The following RAD54B variants were observed in gnomAD, a reference collection of about 807,000 sequenced individuals.
RAD54B encodes the protein RAD54 homolog B.
Under a neutral mutation model 95.8 loss-of-function variants are expected in RAD54B, and 78 were observed. That is an observed-to-expected ratio of 0.81 (90% CI 0.68 to 0.98). RAD54B has a LOEUF of 0.98. Among genes scored for constraint, RAD54B ranks in the 50% least tolerant of loss-of-function variants. The pLI is 0.00. For synonymous variants in RAD54B, 328 were observed against 354.9 expected, an observed-to-expected ratio of 0.92 and a Z score of 0.85; for missense variants, 957 against 1,056.6, an observed-to-expected ratio of 0.91 and a Z score of 1.31.
intron 3 of RAD54B, among the ~76,000 whole-genome samples, chr8:94,437,718 C>T (rs1470449123): frequency 6.6e-6 from 1 of 152,172 alleles, no homozygotes; most frequent in Non-Finnish European, 1.5e-5. Context: ...AGTATAATCA[C>T]GCCTTAAGAC....
chr8:94,405,730 G>A (rs936097283), intron 5 of RAD54B, among the ~76,000 whole-genome samples: 1 of 151,978 alleles, frequency 6.6e-6, no homozygotes, highest in African/African-American at 2.4e-5. Context: ...AGAAGATAGA[G>A]GTGAAAAATC....
At chr8:94,418,531 AGATT>A (rs554644500) in intron 3 of RAD54B, among the ~76,000 whole-genome samples, 10 of 152,212 alleles carry the variant, frequency 6.6e-5, no homozygotes, top group Admixed American at 1.3e-4. Flanking sequence ...ACACATATAT[AGATT>A]CACAGAACCA....
At chr8:94,407,382 C>A in intron 5 of RAD54B, 57 bp downstream of exon 5, 5 of 1,496,838 alleles carry the variant, frequency 3.3e-6, no homozygotes, top group South Asian at 1.3e-5. Flanking sequence ...CAAATTCACA[C>A]ACAAAAAACA....
rs905847444 is a variant in RAD54B at position 94,436,988 on chromosome 8, C to T, written c.304+21280G>A. On this transcript the variant is annotated intron_variant, in intron 3 of 14. Transcript: ENST00000336148. Reference sequence around the variant, plus strand: ...ACTAGGCTAGCCTCATTTAGGCCCACGCCTACAGGGGAGGGTTTATTAAAA... The same window carrying T: ...ACTAGGCTAGCCTCATTTAGGCCCATGCCTACAGGGGAGGGTTTATTAAAA... The T allele has an allele frequency of 7.8e-6, 11 of 1,408,030 alleles. No homozygotes were observed. In the African/African-American group the frequency reaches 8.8e-5, roughly 11 times the overall value. The allele number at this position is 1,408,030 out of a possible 1,614,324, so 87.2% of individuals were successfully genotyped here.
chr8:94,463,922 GAA>G (rs1393122598), intron 2 of RAD54B, among the ~76,000 whole-genome samples: 4 of 139,646 alleles, frequency 2.9e-5, no homozygotes, highest in Non-Finnish European at 6.2e-5. Context: ...AAGAAAGAAA[GAA>G]AAAAGAGAGA....
At chr8:94,454,909 T>C (rs1260107870) in intron 3 of RAD54B, among the ~76,000 whole-genome samples, 1 of 152,202 alleles carries the variant, frequency 6.6e-6, no homozygotes, top group Non-Finnish European at 1.5e-5. Context: ...AAGAAACATT[T>C]AGCTAACTTC....
At chr8:94,465,440 C>G (rs1165351995) in intron 2 of RAD54B, among the ~76,000 whole-genome samples, 1 of 152,150 alleles carries the variant, frequency 6.6e-6, no homozygotes, top group Non-Finnish European at 1.5e-5. Flanking sequence ...AAATACAAAT[C>G]AGAACCACAG....
At chr8:94,398,937 T>C (rs986772252) in intron 8 of RAD54B, among the ~76,000 whole-genome samples, 3 of 152,120 alleles carry the variant, frequency 2.0e-5, no homozygotes, top group African/African-American at 7.2e-5. Context: ...ACTTACCACA[T>C]GTCAGGTAGT....
intron 3 of RAD54B, among the ~76,000 whole-genome samples, chr8:94,441,732 C>T (rs1420042071): frequency 1.3e-5 from 2 of 152,204 alleles, no homozygotes; most frequent in Non-Finnish European, 2.9e-5. Flanking sequence ...AACGTTCCAA[C>T]TCTCTAATGG....
intron 14 of RAD54B, among the ~76,000 whole-genome samples, chr8:94,377,696 G>T (rs1810622548): frequency 1.3e-5 from 2 of 151,632 alleles, no homozygotes; most frequent in Admixed American, 6.6e-5. Flanking sequence ...AGTCTACTGG[G>T]CCGGGCGCGG....
chr8:94,401,846 T>C (rs1811273278), intron 6 of RAD54B, among the ~76,000 whole-genome samples: 1 of 152,174 alleles, frequency 6.6e-6, no homozygotes, highest in Admixed American at 6.5e-5. Flanking sequence ...ATACAGTGAA[T>C]AGCAAAGAGA....
chr8:94,387,786 T>C (rs998583520), intron 10 of RAD54B, among the ~76,000 whole-genome samples: 2 of 152,184 alleles, frequency 1.3e-5, no homozygotes, highest in Admixed American at 6.5e-5. Flanking sequence ...ACCTCTGAAA[T>C]TCCCCCTCCA....
chr8:94,448,767 G>C (rs1812580871), intron 3 of RAD54B, among the ~76,000 whole-genome samples: 1 of 151,938 alleles, frequency 6.6e-6, no homozygotes. Context: ...AAGGTGGGTT[G>C]GTGGGGGAGG....
intron 3 of RAD54B, among the ~76,000 whole-genome samples, chr8:94,455,989 C>A (rs1485136574): frequency 6.6e-6 from 1 of 152,132 alleles, no homozygotes; most frequent in Non-Finnish European, 1.5e-5. Context: ...TTAGGAGACA[C>A]AATTGAAGCC....
chr8:94,427,373 A>C (rs1266897311), intron 3 of RAD54B, among the ~76,000 whole-genome samples: 4 of 152,048 alleles, frequency 2.6e-5, no homozygotes, highest in African/African-American at 9.6e-5. Flanking sequence ...TATATTGAAC[A>C]ATTTCTCAAA....
chr8:94,467,669 T>C, intron 1 of RAD54B, 114 bp from the exon 2 acceptor site: 1 of 1,032,996 alleles, frequency 9.7e-7, no homozygotes, highest in Non-Finnish European at 1.4e-6. Flanking sequence ...CTTATGGGCC[T>C]GCCTGGCCCC....
At chr8:94,443,586 C>G (rs1812451786) in intron 3 of RAD54B, among the ~76,000 whole-genome samples, 2 of 151,982 alleles carry the variant, frequency 1.3e-5, no homozygotes, top group African/African-American at 2.4e-5. Flanking sequence ...ACTCTTTCCT[C>G]TACTCCATCT....
intron 14 of RAD54B, among the ~76,000 whole-genome samples, chr8:94,377,792 C>T (rs937199419): frequency 2.0e-5 from 3 of 147,630 alleles, no homozygotes; most frequent in East Asian, 2.0e-4. Flanking sequence ...CTGGCTAACA[C>T]GGTGAAACCC....
intron 3 of RAD54B, chr8:94,428,305 A>AC: frequency 1.0e-6 from 1 of 982,846 alleles, no homozygotes; most frequent in Non-Finnish European, 1.2e-6. Flanking sequence ...AAGCTCATGG[A>AC]CCCCAAACAA....
Sources: allele counts gnomAD v4.1 joint callset (sites outside exome capture counted in the v4.1 genomes callset), GRCh38; gene constraint gnomAD v4.1.1; transcripts MANE v1.5; gene names NCBI Gene and HGNC (gene_info 2026-07-23, HGNC 2026-07-21).